Variants in BTRC observed in about 807,000 individuals in gnomAD.
BTRC encodes F-box/WD repeat-containing protein 1A.
Under a neutral mutation model 85.5 loss-of-function variants are expected in BTRC, and 42 were observed. The ratio of observed to expected loss-of-function variants is 0.49; its 90% CI spans 0.38 to 0.64. The LOEUF (loss-of-function observed/expected upper bound fraction) is 0.64. Among genes scored for constraint, BTRC ranks in the 30% least tolerant of loss-of-function variants. The probability of loss-of-function intolerance (pLI) is 0.00; values close to 1 mark genes in which losing one functional copy is unlikely to be tolerated. For synonymous variants in BTRC, 255 were observed against 263.3 expected (o/e 0.97, Z 0.30); for missense variants, 594 against 743.5 (o/e 0.80, Z 2.34).
chr10:101,504,587 T>C (rs1433703512), intron 4 of BTRC, among the ~76,000 whole-genome samples: 4 of 152,024 alleles, frequency 2.6e-5, no homozygotes, highest in South Asian at 2.1e-4. Flanking sequence ...TCGGTCACTT[T>C]TGTCATTCCT....
chr10:101,473,514 AG>A (rs1280570821), intron 3 of BTRC, among the ~76,000 whole-genome samples: 3 of 120,112 alleles, frequency 2.5e-5, no homozygotes, highest in Non-Finnish European at 4.8e-5. Context: ...TCTGTTGCCC[AG>A]GCTGGAGAAC....
intron 1 of BTRC, among the ~76,000 whole-genome samples, chr10:101,401,465 G>C (rs1380327985): frequency 2.6e-5 from 4 of 152,076 alleles, no homozygotes; most frequent in African/African-American, 9.7e-5. Context: ...ATTAAAAGTG[G>C]CTTTTTTGGT....
At chr10:101,435,995 C>G (rs895406108) in intron 2 of BTRC, among the ~76,000 whole-genome samples, 1 of 151,924 alleles carries the variant, frequency 6.6e-6, no homozygotes, top group Non-Finnish European at 1.5e-5. Context: ...CCCAGTAGCT[C>G]AAATTGAAAC....
intron 1 of BTRC, among the ~76,000 whole-genome samples, chr10:101,424,442 T>A (rs1291800427): frequency 6.6e-6 from 1 of 152,204 alleles, no homozygotes; most frequent in Non-Finnish European, 1.5e-5. Context: ...ATTTCTTAGT[T>A]GATATAGTAG....
At position 101,507,533 on chromosome 10, in the gene BTRC, G is replaced by A. The variant is rs151147415; in HGVS notation, c.325-14106G>A. Among the ~76,000 whole-genome samples the A allele has an allele frequency of 3.0e-4, 45 of 152,318 alleles. No homozygotes were observed. The East Asian group carries it at 8.1e-3, about 27-fold the overall frequency. On this transcript the variant is annotated intron_variant, in intron 4 of 14. Coordinates refer to ENST00000370187, the MANE Select transcript of BTRC (RefSeq NM_033637.4). Reference sequence around the variant, plus strand: ...GAGCTGGGAGAGATGAAAGAGAGGTGTTTGTCAGCTTCTCAGTGGAAATTA... The same window carrying A: ...GAGCTGGGAGAGATGAAAGAGAGGTATTTGTCAGCTTCTCAGTGGAAATTA...
intron 1 of BTRC, among the ~76,000 whole-genome samples, chr10:101,382,252 G>A (rs774851389): frequency 6.6e-6 from 1 of 151,218 alleles, no homozygotes; most frequent in South Asian, 2.1e-4. Context: ...CAAAGTGCTG[G>A]GATTACAGGC....
chr10:101,356,813 T>A (rs1942047057), intron 1 of BTRC, among the ~76,000 whole-genome samples: 1 of 152,102 alleles, frequency 6.6e-6, no homozygotes, highest in Admixed American at 6.6e-5. Context: ...CTATAACATG[T>A]CTGTTTATTC....
chr10:101,363,056 A>G (rs911700141), intron 1 of BTRC, among the ~76,000 whole-genome samples: 3 of 152,154 alleles, frequency 2.0e-5, no homozygotes, highest in Admixed American at 6.5e-5. Context: ...CCCTGCAGCT[A>G]TGGAGGTTTG....
intron 1 of BTRC, among the ~76,000 whole-genome samples, chr10:101,372,534 G>C (rs1280359362): frequency 1.3e-5 from 2 of 148,586 alleles, no homozygotes; most frequent in Non-Finnish European, 3.0e-5. Flanking sequence ...GATTACAGGT[G>C]TGAGCCACTG....
At chr10:101,475,570 A>T (rs1173115613) in intron 3 of BTRC, among the ~76,000 whole-genome samples, 1 of 151,294 alleles carries the variant, frequency 6.6e-6, no homozygotes, top group Non-Finnish European at 1.5e-5. Context: ...AACAGAACTG[A>T]CTTTATAATA....
chr10:101,506,388 C>A (rs1216172346), intron 4 of BTRC, among the ~76,000 whole-genome samples: 1 of 152,102 alleles, frequency 6.6e-6, no homozygotes, highest in Non-Finnish European at 1.5e-5. Flanking sequence ...TTTCTCTGTC[C>A]TCCCAAAATT....
At position 101,538,350 on chromosome 10, in the gene BTRC, ACT is replaced by A. The variant is rs745797916; in HGVS notation, c.1638_1639del (p.Cys547SerfsTer17). ...ALDPRAPAGT[L>X]CLRTLVEHSG... ...TGGACCCCCGTGCTCCTGCAGGGAC[ACT>A]CTGTCTACGGACCCTTGTGGTAAGA... On this transcript the variant is annotated frameshift_variant, in exon 13 of 15. Coordinates refer to ENST00000370187, the MANE Select transcript of BTRC (RefSeq NM_033637.4). LOFTEE classifies it high-confidence loss of function. 1.9e-6 allele frequency: 3 copies of A among 1,613,722 alleles called. No individual in the cohort carries two copies. Among genetic ancestry groups the A allele is most frequent in the Non-Finnish European group, 1.7e-6 (2 of 1,179,796 alleles).
intron 1 of BTRC, among the ~76,000 whole-genome samples, chr10:101,428,616 C>A (rs1018785747): frequency 4.6e-5 from 7 of 152,136 alleles, no homozygotes; most frequent in African/African-American, 1.7e-4. Context: ...CACTAGAAAG[C>A]AACAGGCCAA....
chr10:101,527,413 G>A (rs1272419755), intron 6 of BTRC, among the ~76,000 whole-genome samples: 1 of 151,958 alleles, frequency 6.6e-6, no homozygotes, highest in Non-Finnish European at 1.5e-5. Context: ...CTCTCAAATT[G>A]AATTAAAGGA....
At chr10:101,515,598 A>T (rs1388842018) in intron 4 of BTRC, among the ~76,000 whole-genome samples, 2 of 150,090 alleles carry the variant, frequency 1.3e-5, no homozygotes, top group African/African-American at 2.5e-5. Context: ...TGCAATCTCC[A>T]CCTCCCGGGT....
At chr10:101,359,792 G>A (rs776652297) in intron 1 of BTRC, among the ~76,000 whole-genome samples, 3 of 152,022 alleles carry the variant, frequency 2.0e-5, no homozygotes, top group South Asian at 2.1e-4. Context: ...TAGAGACAGG[G>A]CTTTTCCATG....
intron 1 of BTRC, among the ~76,000 whole-genome samples, chr10:101,373,457 G>T (rs1259319279): frequency 6.6e-6 from 1 of 152,112 alleles, no homozygotes; most frequent in Non-Finnish European, 1.5e-5. Flanking sequence ...TAGAACAAAT[G>T]AAGAAAAAGA....
rs74153211 is a variant in BTRC, at chr10:101,494,484, C to A, written c.324+15027C>A. 4.4e-3 allele frequency among the ~76,000 whole-genome samples: 674 copies of A among 152,240 alleles called. 8 individuals carry two copies. Among genetic ancestry groups the A allele is most frequent in the African/African-American group, 0.015 (639 of 41,538 alleles). ...AGGAAATGTTTGCTATATCATAACT[C>A]AAAAAATATTTTCTTAATTTTGAGA... On this transcript the variant is annotated intron_variant, in intron 4 of 14. Coordinates refer to ENST00000370187, the MANE Select transcript of BTRC (RefSeq NM_033637.4).
At chr10:101,369,336 G>A (rs1165050171) in intron 1 of BTRC, among the ~76,000 whole-genome samples, 1 of 151,640 alleles carries the variant, frequency 6.6e-6, no homozygotes, top group Non-Finnish European at 1.5e-5. Context: ...CTCCCACCTG[G>A]GCCTCCCAAA....
Sources: gnomAD v4.1 joint callset for allele counts (sites outside exome capture counted in the v4.1 genomes callset) on GRCh38, gnomAD v4.1.1 for gene constraint, MANE v1.5 for transcripts, NCBI Gene and HGNC (gene_info 2026-07-23, HGNC 2026-07-21) for gene names.